Variants in ANK2 observed in about 807,000 individuals in gnomAD.
ANK2 encodes the protein ankyrin 2.
In ANK2, 83 loss-of-function variants were observed where a neutral mutation model predicts 360.5. That is an observed-to-expected ratio of 0.23 (90% confidence interval 0.19 to 0.28). ANK2 has a LOEUF of 0.28. Among genes scored for constraint, ANK2 ranks in the 10% least tolerant of loss-of-function variants. The probability of loss-of-function intolerance (pLI) is 1.00; values close to 1 mark genes in which losing one functional copy is unlikely to be tolerated. For synonymous variants in ANK2, 1,740 were observed against 1,759.5 expected, an observed-to-expected ratio of 0.99 and a Z score of 0.28; for missense variants, 4,201 against 4,795.7, an observed-to-expected ratio of 0.88 and a Z score of 3.66.
chr4:113,281,215 A>G (rs1300647287), intron 17 of ANK2, among the ~76,000 whole-genome samples: 1 of 152,150 alleles, frequency 6.6e-6, no homozygotes, highest in Non-Finnish European at 1.5e-5. Flanking sequence ...TACACTTTGC[A>G]GTTAGCTTTA....
chr4:113,251,279 T>C (rs1280340135), intron 10 of ANK2, among the ~76,000 whole-genome samples: 1 of 152,112 alleles, frequency 6.6e-6, no homozygotes, highest in Admixed American at 6.5e-5. Context: ...GCAGGTTACC[T>C]GGATGGAATT....
At position 113,354,246 on chromosome 4, in the gene ANK2, G is replaced by A. The variant is rs1216823033; in HGVS notation, c.5628G>A (p.Glu1876=). 7.4e-6 allele frequency: 12 copies of A among 1,614,006 alleles called. No homozygotes were observed. The South Asian group carries it at 1.2e-4, about 16-fold the overall frequency. The change falls in exon 38 of 46, where the codon GAG becomes GAA. Residue 1876 remains glutamate (E), a synonymous_variant. Coordinates refer to ENST00000357077, the MANE Select transcript of ANK2 (RefSeq NM_001148.6). Reference sequence around the variant, plus strand: ...CTGCGTCATCATCGAGTAAAACTGAGAAACACTCACCTGTATCACCCTCGA... The same window carrying A: ...CTGCGTCATCATCGAGTAAAACTGAAAAACACTCACCTGTATCACCCTCGA... ...HSPASSSSKT[E]KHSPVSPSTK...
At chr4:112,741,458 G>A in the ANK2 span, among the ~76,000 whole-genome samples, 7 of 152,288 alleles carry the variant, frequency 4.6e-5, no homozygotes, top group African/African-American at 1.7e-4. Context: ...GGCTGGACCT[G>A]GGCAATGTGG....
chr4:113,324,761 C>G (rs2088791436), intron 26 of ANK2, among the ~76,000 whole-genome samples: 1 of 152,162 alleles, frequency 6.6e-6, no homozygotes. Context: ...CTGAGGCCCT[C>G]TTGCTATGTA....
At chr4:113,090,818 T>A (rs2087582429) in intron 1 of ANK2, among the ~76,000 whole-genome samples, 1 of 152,252 alleles carries the variant, frequency 6.6e-6, no homozygotes, top group Non-Finnish European at 1.5e-5. Context: ...TTACCCTCGT[T>A]AGACGAGGCA....
chr4:112,771,831 C>T, the ANK2 span, among the ~76,000 whole-genome samples: 4 of 152,190 alleles, frequency 2.6e-5, no homozygotes, highest in East Asian at 1.9e-4. Context: ...GTGATCCACC[C>T]GCCTTGGCCT....
rs57817594 is a variant in ANK2 at position 113,021,541 on chromosome 4, CATATATATATATATAT to C, written c.21+117050_21+117065del. Among the ~76,000 whole-genome samples, 558 of 95,622 alleles carry C rather than the reference CATATATATATATATAT, an allele frequency of 5.8e-3. 41 individuals carry two copies. Among genetic ancestry groups the C allele is most frequent in the East Asian group, 0.02 (84 of 4,216 alleles). 62.7% of individuals were successfully genotyped at this position (95,622 alleles called of 152,430 possible). On this transcript the variant is annotated intron_variant, in intron 2 of 30. Coordinates refer to the ANK2 transcript ENST00000503271. The stretch of plus-strand genomic sequence containing the variant: ...ATACACACACACACCCACACACAAA[CATATATATATATATAT>C]ATATATATATATATATATATATGCC...
intron 2 of ANK2, among the ~76,000 whole-genome samples, chr4:113,012,146 G>A (rs1195158248): frequency 1.3e-5 from 2 of 152,168 alleles, no homozygotes; most frequent in African/African-American, 2.4e-5. Context: ...TATTTACCAC[G>A]AAAATGCAGC....
intron 29 of ANK2, among the ~76,000 whole-genome samples, chr4:113,333,803 A>G (rs555511297): frequency 6.6e-5 from 10 of 152,320 alleles, no homozygotes; most frequent in African/African-American, 2.2e-4. Context: ...ATACACATAC[A>G]TACACATCTA....
chr4:113,300,248 A>G (rs2074250751), intron 22 of ANK2, among the ~76,000 whole-genome samples: 1 of 152,186 alleles, frequency 6.6e-6, no homozygotes, highest in East Asian at 1.9e-4. Flanking sequence ...AGAAATATGC[A>G]GGCAAGCTGA....
At chr4:112,896,581 G>A (rs1185169401) in intron 1 of ANK2, among the ~76,000 whole-genome samples, 4 of 152,222 alleles carry the variant, frequency 2.6e-5, no homozygotes, top group African/African-American at 4.8e-5. Flanking sequence ...GTGAGTGCTG[G>A]TAATGCTTTT....
At chr4:112,833,130 T>G (rs920095893) in intron 1 of ANK2, among the ~76,000 whole-genome samples, 4 of 152,226 alleles carry the variant, frequency 2.6e-5, no homozygotes, top group African/African-American at 7.2e-5. Context: ...GGCTTGGTTG[T>G]TCTGATAGTG....
rs1459833561 is a variant in ANK2 at position 113,381,753 on chromosome 4, A to T, written c.*282A>T. 1 of 1,142,658 alleles carries T rather than the reference A, an allele frequency of 8.8e-7. No individual in the cohort carries two copies. The highest frequency in any genetic ancestry group is 1.2e-6 in the Non-Finnish European group (1 of 813,478). 70.8% of individuals were successfully genotyped at this position (1,142,658 alleles called of 1,614,324 possible). ...ATTAATGGGATACCCCGACATTTCC[A>T]CTGTTAGCAAATATACGGCATTTTG... On this transcript the variant is annotated 3_prime_UTR_variant, in exon 46 of 46. Transcript: ENST00000357077.
At chr4:112,788,437 G>T in the ANK2 span, 2 of 1,599,940 alleles carry the variant, frequency 1.3e-6, no homozygotes, top group Non-Finnish European at 1.7e-6. Flanking sequence ...GAGCTTTCTT[G>T]TTCTCCACCA....
At chr4:113,346,969 G>C (rs2094930477) in intron 35 of ANK2, among the ~76,000 whole-genome samples, 1 of 151,964 alleles carries the variant, frequency 6.6e-6, no homozygotes, top group African/African-American at 2.4e-5. Flanking sequence ...CTCTCACATG[G>C]CAATCTATAG....
At chr4:113,114,219 G>A (rs961128382) in intron 1 of ANK2, among the ~76,000 whole-genome samples, 1 of 152,076 alleles carries the variant, frequency 6.6e-6, no homozygotes, top group African/African-American at 2.4e-5. Flanking sequence ...TAAGAGCCCT[G>A]AACCTTGGCC....
intron 1 of ANK2, among the ~76,000 whole-genome samples, chr4:112,902,217 C>G (rs1241802314): frequency 6.6e-6 from 1 of 152,198 alleles, no homozygotes; most frequent in Non-Finnish European, 1.5e-5. Flanking sequence ...CCAATGGGAG[C>G]TGGAAGCAAG....
At chr4:113,021,563 T>TATAC (rs2058182800) in intron 2 of ANK2, among the ~76,000 whole-genome samples, 1 of 137,346 alleles carries the variant, frequency 7.3e-6, no homozygotes, top group African/African-American at 2.6e-5. Context: ...TATATATATA[T>TATAC]ATATATATAT....
chr4:112,848,782 A>G (rs746876158), intron 1 of ANK2, among the ~76,000 whole-genome samples: 41 of 152,228 alleles, frequency 2.7e-4, no homozygotes, highest in Non-Finnish European at 1.2e-4. Flanking sequence ...ATAAATGCCT[A>G]TTAAATTGAA....
Sources: gnomAD v4.1 joint callset for allele counts (sites outside exome capture counted in the v4.1 genomes callset) on GRCh38, gnomAD v4.1.1 for gene constraint, MANE v1.5 for transcripts, NCBI Gene and HGNC (gene_info 2026-07-23, HGNC 2026-07-21) for gene names.